Variants in ZBTB20 observed in about 807,000 individuals in gnomAD.
ZBTB20 encodes the protein zinc finger and BTB domain-containing protein 20.
A neutral mutation model predicts 56.9 loss-of-function variants in ZBTB20; 9 were observed. That is an observed-to-expected ratio of 0.16 (90% CI 0.10 to 0.28). ZBTB20 has a LOEUF of 0.28. Ranked by LOEUF, ZBTB20 falls within the 10% of genes least tolerant of loss-of-function variation. The probability of loss-of-function intolerance (pLI) is 1.00; values close to 1 mark genes in which losing one functional copy is unlikely to be tolerated. For synonymous variants in ZBTB20, 417 were observed against 420.7 expected (o/e 0.99, Z 0.11); for missense variants, 655 against 1,003.0 (o/e 0.65, Z 4.69).
chr3:114,502,351 G>A (rs1171743088), intron 6 of ZBTB20, among the ~76,000 whole-genome samples: 3 of 152,148 alleles, frequency 2.0e-5, no homozygotes, highest in Non-Finnish European at 2.9e-5. Context: ...TGGGACAACT[G>A]CACTATTGTA....
chr3:114,742,823 G>T (rs991862238), intron 5 of ZBTB20, among the ~76,000 whole-genome samples: 6 of 152,054 alleles, frequency 3.9e-5, no homozygotes, highest in Non-Finnish European at 7.4e-5. Flanking sequence ...CTTGTACCTG[G>T]GCCCTGATGT....
At position 115,060,944 on chromosome 3, in the gene ZBTB20, G is replaced by A. The variant is rs1182869121; in HGVS notation, c.-507+10275C>T. ...GAGATAAAGTTAACTCTGTAGGTTA[G>A]AGAATTCACCTTTATTTCATCTTTA... On this transcript the variant is annotated intron_variant, in intron 2 of 11. Coordinates refer to ENST00000675478, the MANE Select transcript of ZBTB20 (RefSeq NM_001348800.3). 2.0e-5 allele frequency among the ~76,000 whole-genome samples: 3 copies of A among 152,082 alleles called. No individual in the cohort carries two copies. The East Asian group carries it at 5.8e-4, about 29-fold the overall frequency.
At position 114,521,770 on chromosome 3, in the gene ZBTB20, T is replaced by C. The variant is rs150996939; in HGVS notation, c.-294-21379A>G. Among the ~76,000 whole-genome samples, 27 of 152,344 alleles carry C rather than the reference T, an allele frequency of 1.8e-4. 1 individual carries two copies. The East Asian group carries it at 5.0e-3, about 28-fold the overall frequency. On this transcript the variant is annotated intron_variant, in intron 6 of 11. Transcript: ENST00000675478. Reference sequence around the variant, plus strand: ...GGTGCTGAACAGAAATAGTGGCCTATCTAAGATTCTGGATAAGCCTGCATA... The same window carrying C: ...GGTGCTGAACAGAAATAGTGGCCTACCTAAGATTCTGGATAAGCCTGCATA...
chr3:114,863,579 G>A (rs1322538885), intron 4 of ZBTB20, among the ~76,000 whole-genome samples: 1 of 152,050 alleles, frequency 6.6e-6, no homozygotes, highest in East Asian at 1.9e-4. Context: ...CCTCATTTGA[G>A]GTTACCCTGT....
At chr3:114,987,502 G>A (rs995653474) in intron 2 of ZBTB20, among the ~76,000 whole-genome samples, 2 of 152,056 alleles carry the variant, frequency 1.3e-5, no homozygotes, top group South Asian at 2.1e-4. Context: ...ATCACAAAAC[G>A]TTGCAATATT....
At chr3:114,479,867 C>A (rs570707123) in intron 7 of ZBTB20, among the ~76,000 whole-genome samples, 1 of 152,216 alleles carries the variant, frequency 6.6e-6, no homozygotes, top group Non-Finnish European at 1.5e-5. Flanking sequence ...GAGATACTCT[C>A]AGCTAAGTAA....
chr3:114,536,431 G>A (rs1364341292), intron 6 of ZBTB20, among the ~76,000 whole-genome samples: 1 of 152,062 alleles, frequency 6.6e-6, no homozygotes, highest in Non-Finnish European at 1.5e-5. Flanking sequence ...CAACTTACAG[G>A]GGATGTGAAG....
chr3:114,484,661 CAT>C (rs2041910746), intron 7 of ZBTB20, among the ~76,000 whole-genome samples: 1 of 152,200 alleles, frequency 6.6e-6, no homozygotes, highest in Non-Finnish European at 1.5e-5. Flanking sequence ...AAAGCTAAAA[CAT>C]ATTAAATGTG....
chr3:114,901,419 T>C (rs1018932564), intron 3 of ZBTB20, among the ~76,000 whole-genome samples: 3 of 152,168 alleles, frequency 2.0e-5, no homozygotes, highest in African/African-American at 7.2e-5. Context: ...TGATGATGGC[T>C]CAATAAAACA....
At chr3:114,951,093 G>A (rs1201005626) in intron 3 of ZBTB20, among the ~76,000 whole-genome samples, 1 of 152,002 alleles carries the variant, frequency 6.6e-6, no homozygotes, top group Non-Finnish European at 1.5e-5. Flanking sequence ...TTGGTCTGGT[G>A]CTGCTTACAT....
chr3:114,863,943 T>C (rs569096809), intron 4 of ZBTB20, among the ~76,000 whole-genome samples: 64 of 152,116 alleles, frequency 4.2e-4, no homozygotes, highest in African/African-American at 1.5e-3. Flanking sequence ...CCTCTAAAAA[T>C]GAAACTGAAA....
chr3:114,947,044 A>C (rs1427947341), intron 3 of ZBTB20, among the ~76,000 whole-genome samples: 1 of 145,492 alleles, frequency 6.9e-6, no homozygotes, highest in Non-Finnish European at 1.5e-5. Context: ...ATGGCCAAGA[A>C]ACATATAAAA....
intron 5 of ZBTB20, among the ~76,000 whole-genome samples, chr3:114,707,859 A>T (rs1291120188): frequency 6.6e-6 from 1 of 152,226 alleles, no homozygotes; most frequent in Non-Finnish European, 1.5e-5. Flanking sequence ...AGTATCCTGT[A>T]GTCTGCTGGC....
rs570996675 is a variant in ZBTB20, at chr3:115,061,930, C to T, written c.-507+9289G>A. Among the ~76,000 whole-genome samples, 27 of 152,248 alleles carry T rather than the reference C, an allele frequency of 1.8e-4. No homozygotes were observed. The South Asian group carries it at 5.2e-3, about 29-fold the overall frequency. ...CATTGGTCCTTTTTACCAACCACTA[C>T]AAATTATGCACCCTAAACATTATGC... On this transcript the variant is annotated intron_variant, in intron 2 of 11. Transcript: ENST00000675478.
chr3:115,095,349 C>T (rs2083341640), intron 1 of ZBTB20, among the ~76,000 whole-genome samples: 2 of 152,050 alleles, frequency 1.3e-5, no homozygotes, highest in Non-Finnish European at 2.9e-5. Flanking sequence ...CTACAAAACA[C>T]CAAGGCTAGA....
At chr3:114,389,273 G>T (rs2085527109) in intron 7 of ZBTB20, among the ~76,000 whole-genome samples, 168 bp from the exon 8 acceptor site, 1 of 152,142 alleles carries the variant, frequency 6.6e-6, no homozygotes, top group Non-Finnish European at 1.5e-5. Flanking sequence ...GAATGGAGAG[G>T]ATGTTGTCCA....
chr3:114,832,798 T>C (rs147708804), intron 4 of ZBTB20, among the ~76,000 whole-genome samples: 126 of 152,296 alleles, frequency 8.3e-4, no homozygotes, highest in African/African-American at 2.8e-3. Context: ...TGTTAGTACA[T>C]AAATATTAAC....
At chr3:115,098,206 G>A (rs950684521) in intron 1 of ZBTB20, among the ~76,000 whole-genome samples, 2 of 152,064 alleles carry the variant, frequency 1.3e-5, no homozygotes, top group Non-Finnish European at 2.9e-5. Flanking sequence ...TGTCATACAT[G>A]CACATGTATG....
intron 7 of ZBTB20, among the ~76,000 whole-genome samples, chr3:114,479,039 C>CT (rs200578513): frequency 0.019 from 2,677 of 137,510 alleles, 75 homozygotes; most frequent in African/African-American, 0.071. Context: ...TCTGTTTACT[C>CT]TTTTTTTTTC....
Sources: gnomAD v4.1 joint callset for allele counts (sites outside exome capture counted in the v4.1 genomes callset) on GRCh38, gnomAD v4.1.1 for gene constraint, MANE v1.5 for transcripts, NCBI Gene and HGNC (gene_info 2026-07-23, HGNC 2026-07-21) for gene names.